The following MAST4 variants were observed in gnomAD, a reference collection of about 807,000 sequenced individuals.
MAST4 encodes the protein microtubule associated serine/threonine kinase family member 4.
Under a neutral mutation model 162.7 loss-of-function variants are expected in MAST4, and 89 were observed. That is an observed-to-expected ratio of 0.55 (90% CI 0.46 to 0.65). MAST4 has a LOEUF of 0.65. Among genes scored for constraint, MAST4 ranks in the 30% least tolerant of loss-of-function variants. MAST4 has a pLI of 0.00. For missense variants in MAST4, 3,153 were observed against 3,374.0 expected (o/e 0.93, Z 1.62); for synonymous variants, 1,479 against 1,361.1 (o/e 1.09, Z -1.91).
intron 4 of MAST4, among the ~76,000 whole-genome samples, chr5:66,982,202 G>A (rs926154218): frequency 2.0e-5 from 3 of 152,182 alleles, no homozygotes; most frequent in Non-Finnish European, 4.4e-5. Flanking sequence ...TAGGTGACAT[G>A]TTCTTTTTTC....
chr5:66,844,678 T>C (rs944766712), intron 3 of MAST4, among the ~76,000 whole-genome samples: 1 of 152,014 alleles, frequency 6.6e-6, no homozygotes, highest in African/African-American at 2.4e-5. Flanking sequence ...GCAGAGTGAG[T>C]ACTATGATGG....
In MAST4 at chr5:67,166,044, A is replaced by AC; in HGVS notation, c.6867dup (p.Ser2290GlnfsTer24). 6.2e-7 allele frequency: 1 copy of AC among 1,613,636 alleles called. No homozygotes were observed. Among genetic ancestry groups the AC allele is most frequent in the Non-Finnish European group, 8.5e-7 (1 of 1,179,798 alleles). ...TCCTCTAGACGCCAAGCCACAACCCACCAGTGGTGGGCGGCCCCTGGAGGT... is the reference window on the plus strand; with the variant it reads ...TCCTCTAGACGCCAAGCCACAACCCACCCAGTGGTGGGCGGCCCCTGGAGGT... On this transcript the variant is annotated frameshift_variant, in exon 29 of 29. Transcript: ENST00000403625. LOFTEE classifies it low-confidence loss of function (END_TRUNC).
chr5:67,134,446 A>T, intron 17 of MAST4, 77 bp from the exon 18 acceptor site: 1 of 1,384,522 alleles, frequency 7.2e-7, no homozygotes, highest in Non-Finnish European at 9.9e-7. Context: ...GGGCAAAATA[A>T]TTGGTGACTA....
chr5:66,934,533 G>A (rs1426541363), intron 4 of MAST4, among the ~76,000 whole-genome samples: 1 of 151,952 alleles, frequency 6.6e-6, no homozygotes, highest in African/African-American at 2.4e-5. Flanking sequence ...TAACGACACG[G>A]CAACAAAATT....
chr5:66,719,366 G>A (rs1165064122), intron 1 of MAST4, among the ~76,000 whole-genome samples: 1 of 152,080 alleles, frequency 6.6e-6, no homozygotes, highest in Non-Finnish European at 1.5e-5. Flanking sequence ...CAGGGAAGGA[G>A]GAATAAGAGT....
intron 4 of MAST4, among the ~76,000 whole-genome samples, chr5:67,053,759 G>T (rs941854564): frequency 6.6e-6 from 1 of 152,056 alleles, no homozygotes; most frequent in Admixed American, 6.6e-5. Flanking sequence ...TATGCTCTGG[G>T]TACTCAGGAT....
intron 1 of MAST4, among the ~76,000 whole-genome samples, chr5:66,665,768 TCA>T (rs1182041893): frequency 6.6e-6 from 1 of 152,256 alleles, no homozygotes; most frequent in African/African-American, 2.4e-5. Context: ...CTTCTGAGTC[TCA>T]GTTTCCTCAC....
At chr5:66,892,765 GA>G (rs1340746828) in intron 3 of MAST4, among the ~76,000 whole-genome samples, 1 of 152,116 alleles carries the variant, frequency 6.6e-6, no homozygotes, top group Non-Finnish European at 1.5e-5. Context: ...GAGTATAGGG[GA>G]AAAAATTGGA....
At chr5:66,860,174 T>A (rs1759993107) in intron 3 of MAST4, among the ~76,000 whole-genome samples, 2 of 152,240 alleles carry the variant, frequency 1.3e-5, no homozygotes, top group Non-Finnish European at 2.9e-5. Context: ...AAACCTTTTA[T>A]ACCTTTATTT....
At chr5:66,640,483 TA>T (rs1745422172) in intron 1 of MAST4, among the ~76,000 whole-genome samples, 1 of 152,118 alleles carries the variant, frequency 6.6e-6, no homozygotes, top group African/African-American at 2.4e-5. Context: ...AATTTTTTTG[TA>T]ATTTTAATAG....
Position 66,690,808 on chromosome 5 carries a change from C to A in MAST4, c.364-68901C>A, listed in dbSNP as rs1748991199. Among the ~76,000 whole-genome samples the A allele has an allele frequency of 2.0e-5, 3 of 152,188 alleles. No homozygotes were observed. The South Asian group carries it at 6.2e-4, about 31-fold the overall frequency. ...GTACTTTGATAACCTCATTCCTGTTCTTCCGGAACATGAAGGTGTTCACTG... is the reference window on the plus strand; with the variant it reads ...GTACTTTGATAACCTCATTCCTGTTATTCCGGAACATGAAGGTGTTCACTG... On this transcript the variant is annotated intron_variant, in intron 1 of 28. Transcript: ENST00000403625.
At chr5:66,849,495 T>C (rs1424302889) in intron 3 of MAST4, among the ~76,000 whole-genome samples, 1 of 152,146 alleles carries the variant, frequency 6.6e-6, no homozygotes, top group African/African-American at 2.4e-5. Context: ...CTGTCCTTTT[T>C]CATTTACTCC....
chr5:67,165,590 T>G lies in MAST4; in HGVS notation c.6411T>G (p.Pro2137=), dbSNP rs1235058597. 1 of 1,613,672 alleles carries G rather than the reference T, an allele frequency of 6.2e-7. No individual in the cohort carries two copies. Among genetic ancestry groups the G allele is most frequent in the Non-Finnish European group, 8.5e-7 (1 of 1,179,826 alleles). Reference sequence around the variant, plus strand: ...ATCCCAGCAGCATCCCTCCGCCCCCTCTGACGGCCAAAGACCTGTCCAGCC... The same window carrying G: ...ATCCCAGCAGCATCCCTCCGCCCCCGCTGACGGCCAAAGACCTGTCCAGCC... ...QRHPSSIPPP[P]LTAKDLSSPA... The change falls in exon 29 of 29, where the codon CCT becomes CCG. Residue 2137 remains proline (P), a synonymous_variant. Transcript: ENST00000403625.
chr5:66,813,320 A>G (rs147190523), intron 3 of MAST4, among the ~76,000 whole-genome samples: 10 of 152,342 alleles, frequency 6.6e-5, no homozygotes, highest in East Asian at 1.9e-4. Context: ...TATTCTTCCA[A>G]CTTTACTGGA....
chr5:66,668,749 G>T (rs554965725), intron 1 of MAST4, among the ~76,000 whole-genome samples: 1 of 152,320 alleles, frequency 6.6e-6, no homozygotes, highest in East Asian at 1.9e-4. Context: ...CAGGACATCA[G>T]ACTTTCTCAA....
intron 2 of MAST4, among the ~76,000 whole-genome samples, chr5:66,776,667 A>G (rs915731119): frequency 1.3e-5 from 2 of 152,200 alleles, no homozygotes; most frequent in Admixed American, 6.5e-5. Context: ...AGAAATATAA[A>G]TGAGAGACAG....
At chr5:66,609,519 A>C (rs1743139080) in intron 1 of MAST4, among the ~76,000 whole-genome samples, 1 of 149,606 alleles carries the variant, frequency 6.7e-6, no homozygotes, top group Non-Finnish European at 1.5e-5. Context: ...CCTCACAAGT[A>C]CCTGGGGCTA....
At chr5:66,764,119 C>G (rs930795654) in intron 2 of MAST4, among the ~76,000 whole-genome samples, 1 of 152,154 alleles carries the variant, frequency 6.6e-6, no homozygotes, top group African/African-American at 2.4e-5. Flanking sequence ...TGGTAGACAA[C>G]AAGAAGTATT....
At chr5:66,973,336 T>C (rs1002574096) in intron 4 of MAST4, among the ~76,000 whole-genome samples, 6 of 152,132 alleles carry the variant, frequency 3.9e-5, no homozygotes, top group African/African-American at 9.7e-5. Context: ...ATATGTTCCA[T>C]TGAGTTGTTG....
Sources: gnomAD v4.1 joint callset for allele counts (sites outside exome capture counted in the v4.1 genomes callset) on GRCh38, gnomAD v4.1.1 for gene constraint, MANE v1.5 for transcripts, NCBI Gene and HGNC (gene_info 2026-07-23, HGNC 2026-07-21) for gene names.